Variants in HTR7 observed in about 807,000 individuals in gnomAD.
HTR7 encodes 5-hydroxytryptamine receptor 7, also known as 5-HT-7.
HTR7 carries 16 observed loss-of-function variants against 34.0 expected under a neutral mutation model. The ratio of observed to expected loss-of-function variants is 0.47; its 90% CI spans 0.32 to 0.71. The LOEUF (loss-of-function observed/expected upper bound fraction) is 0.71. HTR7 is among the 30% of genes least tolerant of loss of function. The pLI is 0.04. For missense variants in HTR7, 504 were observed against 625.5 expected, an observed-to-expected ratio of 0.81 and a Z score of 2.07; for synonymous variants, 265 against 260.2, an observed-to-expected ratio of 1.02 and a Z score of -0.18.
chr10:90,796,746 C>G (rs1377879044), intron 1 of HTR7, among the ~76,000 whole-genome samples: 1 of 152,166 alleles, frequency 6.6e-6, no homozygotes, highest in Non-Finnish European at 1.5e-5. Context: ...GCTAGGCTCA[C>G]GGCTGTAATC....
At chr10:90,757,577 C>T (rs557385080) in intron 1 of HTR7, among the ~76,000 whole-genome samples, 42 of 152,226 alleles carry the variant, frequency 2.8e-4, no homozygotes, top group African/African-American at 1.0e-3. Context: ...CCTACACTTC[C>T]GGGCAACTGA....
chr10:90,844,239 G>C (rs1290645619), intron 1 of HTR7, among the ~76,000 whole-genome samples: 1 of 152,194 alleles, frequency 6.6e-6, no homozygotes, highest in East Asian at 1.9e-4. Context: ...GCATGACCCA[G>C]TAGTGCCCAA....
chr10:90,762,399 C>A (rs930787028), intron 1 of HTR7, among the ~76,000 whole-genome samples: 2 of 152,164 alleles, frequency 1.3e-5, no homozygotes, highest in Non-Finnish European at 2.9e-5. Flanking sequence ...TGTTGAGCAC[C>A]TTTTCATGTA....
At chr10:90,824,847 T>C (rs1480785678) in intron 1 of HTR7, among the ~76,000 whole-genome samples, 2 of 152,168 alleles carry the variant, frequency 1.3e-5, no homozygotes, top group East Asian at 3.9e-4. Context: ...CACAGATTTC[T>C]TTGGTTTCTG....
Position 90,742,266 on chromosome 10 carries a change from A to G in HTR7, c.*216T>C. 2.6e-6 allele frequency: 1 copy of G among 390,948 alleles called. No homozygotes were observed. The highest frequency in any genetic ancestry group is 4.0e-5 in the East Asian group (1 of 24,940). 24.2% of individuals were successfully genotyped at this position (390,948 alleles called of 1,614,324 possible). On this transcript the variant is annotated 3_prime_UTR_variant, in exon 4 of 4. Transcript: ENST00000336152. ...TACTGCTGAGATGATCTGCTATCTTAAACTGAGAACACACAATAGCACTGA... is the reference window on the plus strand; with the variant it reads ...TACTGCTGAGATGATCTGCTATCTTGAACTGAGAACACACAATAGCACTGA...
intron 1 of HTR7, among the ~76,000 whole-genome samples, chr10:90,810,047 C>T (rs904812582): frequency 2.6e-5 from 4 of 152,198 alleles, no homozygotes; most frequent in Admixed American, 2.0e-4. Context: ...GCCTGTTTCC[C>T]TTGCCTCCAT....
chr10:90,821,930 G>T (rs144095422), intron 1 of HTR7, among the ~76,000 whole-genome samples: 1,821 of 152,174 alleles, frequency 0.012, 44 homozygotes, highest in African/African-American at 0.042. Flanking sequence ...TAAGTTTCCT[G>T]AGGCCTCCCC....
chr10:90,842,513 A>G (rs1286158362), intron 1 of HTR7, among the ~76,000 whole-genome samples: 1 of 152,046 alleles, frequency 6.6e-6, no homozygotes, highest in Non-Finnish European at 1.5e-5. Flanking sequence ...CTCATCACCC[A>G]GGAGTAGGGG....
intron 1 of HTR7, among the ~76,000 whole-genome samples, chr10:90,810,087 C>T (rs2119961773): frequency 6.6e-6 from 1 of 152,296 alleles, no homozygotes; most frequent in East Asian, 1.9e-4. Context: ...GGCCAGGTTT[C>T]TAAACCTCTT....
chr10:90,824,976 C>A (rs1312190141), intron 1 of HTR7, among the ~76,000 whole-genome samples: 1 of 152,182 alleles, frequency 6.6e-6, no homozygotes, highest in Non-Finnish European at 1.5e-5. Flanking sequence ...AGCCCTAGGG[C>A]CTTGAGTGAA....
At chr10:90,759,346 C>A (rs934067571) in intron 1 of HTR7, among the ~76,000 whole-genome samples, 1 of 151,832 alleles carries the variant, frequency 6.6e-6, no homozygotes, top group African/African-American at 2.4e-5. Context: ...AAAAATGAAT[C>A]AAAATGAAGA....
intron 1 of HTR7, among the ~76,000 whole-genome samples, chr10:90,796,297 G>A (rs761655131): frequency 6.6e-6 from 1 of 152,154 alleles, no homozygotes; most frequent in Non-Finnish European, 1.5e-5. Context: ...TTCTATCAAG[G>A]AACAGAAGTC....
intron 1 of HTR7, among the ~76,000 whole-genome samples, chr10:90,851,465 C>T (rs774269175): frequency 2.0e-5 from 3 of 151,770 alleles, no homozygotes; most frequent in South Asian, 2.1e-4. Context: ...ATTAGCAGGG[C>T]GTGGTGGCAG....
At chr10:90,759,071 C>A (rs923959467) in intron 1 of HTR7, among the ~76,000 whole-genome samples, 1 of 151,858 alleles carries the variant, frequency 6.6e-6, no homozygotes, top group Admixed American at 6.6e-5. Context: ...CCTGTCATCC[C>A]AGCTACTCGG....
rs775210591 is a variant in HTR7 at position 90,857,127 on chromosome 10, C to A, written c.539+6G>T. The A allele has an allele frequency of 5.3e-5, 83 of 1,570,428 alleles. No homozygotes were observed. Among genetic ancestry groups the A allele is most frequent in the Non-Finnish European group, 6.7e-5 (78 of 1,156,274 alleles). ...GGAGCCTGGGACGGGGCGGTCCGGC[C>A]CTTACCTGTCAATGCTGATCACGCA... On this transcript the variant is annotated splice_donor_region_variant and intron_variant, in intron 1 of 3. Coordinates refer to ENST00000336152, the MANE Select transcript of HTR7 (RefSeq NM_019859.4). This position sits in a 1 kb window ranked among gnomAD's most constrained non-coding sequence, Gnocchi z 6.5.
At chr10:90,832,164 G>A (rs778903676) in intron 1 of HTR7, among the ~76,000 whole-genome samples, 87 of 152,340 alleles carry the variant, frequency 5.7e-4, no homozygotes, top group African/African-American at 8.9e-4. Context: ...CAAGTCCCAC[G>A]CCATGCGGGT....
intron 1 of HTR7, among the ~76,000 whole-genome samples, chr10:90,788,844 A>T (rs1845421501): frequency 6.6e-6 from 1 of 152,202 alleles, no homozygotes; most frequent in South Asian, 2.1e-4. Context: ...AGGGAAATAG[A>T]GTAACAGGCC....
intron 1 of HTR7, among the ~76,000 whole-genome samples, chr10:90,771,299 G>A (rs1028326509): frequency 1.4e-4 from 21 of 152,290 alleles, no homozygotes; most frequent in Admixed American, 9.2e-4. Flanking sequence ...TCACTTGTCC[G>A]CATACCTCAT....
At chr10:90,761,716 C>T (rs1844940227) in intron 1 of HTR7, among the ~76,000 whole-genome samples, 1 of 151,706 alleles carries the variant, frequency 6.6e-6, no homozygotes, top group African/African-American at 2.4e-5. Flanking sequence ...CTATTGTTAA[C>T]TATAGTCACC....
Sources: allele counts gnomAD v4.1 joint callset (sites outside exome capture counted in the v4.1 genomes callset), GRCh38; gene constraint gnomAD v4.1.1; non-coding constraint Gnocchi (gnomAD v3.1); transcripts MANE v1.5; gene names NCBI Gene and HGNC (gene_info 2026-07-23, HGNC 2026-07-21).